The following CAB39 variants were observed in gnomAD, a reference collection of about 807,000 sequenced individuals.
The protein encoded by CAB39 is calcium binding protein 39.
In CAB39, 8 loss-of-function variants were observed where a neutral mutation model predicts 40.0. The ratio of observed to expected loss-of-function variants is 0.20; its 90% CI spans 0.12 to 0.36. CAB39 has a LOEUF of 0.36. Among genes scored for constraint, CAB39 ranks in the 10% least tolerant of loss-of-function variants. The pLI is 1.00. For synonymous variants in CAB39, 156 were observed against 141.6 expected (o/e 1.10, Z -0.72); for missense variants, 270 against 401.1 (o/e 0.67, Z 2.79).
chr2:230,743,531 T>C (rs1019812594), intron 1 of CAB39, among the ~76,000 whole-genome samples: 2 of 152,206 alleles, frequency 1.3e-5, no homozygotes, highest in African/African-American at 2.4e-5. Flanking sequence ...GATAAAAATA[T>C]TGAAAGTTTT....
intron 2 of CAB39, among the ~76,000 whole-genome samples, chr2:230,782,814 T>C (rs1279206671): frequency 3.9e-5 from 3 of 77,902 alleles, no homozygotes; most frequent in African/African-American, 1.7e-4. Context: ...TCTTTCTTTC[T>C]TTTTTTTTTT....
At chr2:230,777,097 A>G (rs527663387) in intron 2 of CAB39, among the ~76,000 whole-genome samples, 1 of 152,222 alleles carries the variant, frequency 6.6e-6, no homozygotes, top group African/African-American at 2.4e-5. Flanking sequence ...TGTTTCCTTC[A>G]TAGATTCTAA....
rs1408052300 is a variant in CAB39, at chr2:230,782,809, C to CTT, written c.115-8061_115-8060dup. 4.9e-3 allele frequency among the ~76,000 whole-genome samples: 549 copies of CTT among 112,270 alleles called. 39 individuals carry two copies. Among genetic ancestry groups the CTT allele is most frequent in the African/African-American group, 0.023 (484 of 20,896 alleles). The allele number at this position is 112,270 out of a possible 152,430, so 73.7% of individuals were successfully genotyped here. On this transcript the variant is annotated intron_variant, in intron 2 of 8. Transcript: ENST00000258418. ...CTGCTGTTTCTTTCTTTCTTTCTTT[C>CTT]TTTCTTTTTTTTTTTTTTTTTTTGA...
At chr2:230,814,613 C>T (rs990215268) in intron 7 of CAB39, among the ~76,000 whole-genome samples, 1 of 152,168 alleles carries the variant, frequency 6.6e-6, no homozygotes, top group Admixed American at 6.5e-5. Flanking sequence ...AACTACAACC[C>T]ATGGGCTAAA....
At chr2:230,743,899 A>C (rs999771380) in intron 1 of CAB39, among the ~76,000 whole-genome samples, 8 of 150,166 alleles carry the variant, frequency 5.3e-5, no homozygotes, top group African/African-American at 2.0e-4. Context: ...AAAGTCACAG[A>C]GCTCTGATAC....
intron 7 of CAB39, among the ~76,000 whole-genome samples, chr2:230,815,348 G>T (rs879257581): frequency 2.0e-5 from 3 of 152,164 alleles, no homozygotes; most frequent in Non-Finnish European, 4.4e-5. Context: ...TCTTTGGGGG[G>T]TTGGACAGAA....
chr2:230,770,386 A>G (rs1158675077), intron 2 of CAB39, among the ~76,000 whole-genome samples: 2 of 152,216 alleles, frequency 1.3e-5, no homozygotes, highest in Admixed American at 1.3e-4. Flanking sequence ...ACAAACTCCA[A>G]AGACACAAAT....
intron 1 of CAB39, among the ~76,000 whole-genome samples, chr2:230,719,695 T>C (rs904900111): frequency 1.3e-5 from 2 of 152,222 alleles, no homozygotes; most frequent in Non-Finnish European, 2.9e-5. Context: ...CTAATTATGT[T>C]GTCACTCTGT....
At chr2:230,788,395 T>G (rs770603343) in intron 2 of CAB39, among the ~76,000 whole-genome samples, 4 of 152,154 alleles carry the variant, frequency 2.6e-5, no homozygotes, top group Non-Finnish European at 5.9e-5. Flanking sequence ...CTTTGAGCTA[T>G]TGTTGCCGTA....
chr2:230,748,483 T>C (rs1017286640), intron 1 of CAB39, among the ~76,000 whole-genome samples: 1 of 152,138 alleles, frequency 6.6e-6, no homozygotes, highest in Non-Finnish European at 1.5e-5. Context: ...CCATTGGTGA[T>C]TGTTGCCTAG....
At chr2:230,816,895 C>A (rs1696411369) in intron 7 of CAB39, among the ~76,000 whole-genome samples, 1 of 152,176 alleles carries the variant, frequency 6.6e-6, no homozygotes. Flanking sequence ...GCACCAGGGA[C>A]CAAGCTCTCC....
At chr2:230,734,634 G>A (rs1379083341) in intron 1 of CAB39, among the ~76,000 whole-genome samples, 1 of 152,126 alleles carries the variant, frequency 6.6e-6, no homozygotes, top group Non-Finnish European at 1.5e-5. Flanking sequence ...AACATCCATA[G>A]ACTTCTTGGT....
intron 5 of CAB39, among the ~76,000 whole-genome samples, chr2:230,802,038 AAAAGAAG>A (rs1178472724): frequency 6.6e-6 from 1 of 152,178 alleles, no homozygotes; most frequent in Admixed American, 6.5e-5. Flanking sequence ...GTTCTAGAAT[AAAAGAAG>A]GTAGCCTCAC....
chr2:230,737,839 A>G (rs1252599696), intron 1 of CAB39, among the ~76,000 whole-genome samples: 2 of 152,212 alleles, frequency 1.3e-5, no homozygotes, highest in African/African-American at 2.4e-5. Flanking sequence ...CAAGTTTTCC[A>G]GTTTGACTAT....
intron 3 of CAB39, among the ~76,000 whole-genome samples, 169 bp from the exon 4 acceptor site, chr2:230,793,044 C>A (rs892912423): frequency 6.6e-6 from 1 of 152,140 alleles, no homozygotes; most frequent in Non-Finnish European, 1.5e-5. Context: ...AGTAAACTTA[C>A]AATTTGGAAT....
Position 230,756,626 on chromosome 2 carries a change from A to T in CAB39, c.-43-3333A>T, listed in dbSNP as rs73093006. On this transcript the variant is annotated intron_variant, in intron 1 of 8. Transcript: ENST00000258418. The stretch of plus-strand genomic sequence containing the variant: ...GATTTTTGAGAATTATTACACTCAT[A>T]CTTTAAAAATAAAGAGGATAGTTTC... 5.7e-3 allele frequency among the ~76,000 whole-genome samples: 862 copies of T among 152,250 alleles called. 7 individuals are homozygous for T. Among genetic ancestry groups the T allele is most frequent in the African/African-American group, 0.02 (811 of 41,564 alleles).
intron 2 of CAB39, among the ~76,000 whole-genome samples, chr2:230,782,368 G>T (rs1695702079): frequency 1.3e-5 from 2 of 152,004 alleles, no homozygotes; most frequent in African/African-American, 2.4e-5. Context: ...AATGTGGGAG[G>T]GGGGATGTCT....
intron 1 of CAB39, among the ~76,000 whole-genome samples, chr2:230,715,965 G>C (rs1310969866): frequency 2.0e-5 from 3 of 152,216 alleles, no homozygotes; most frequent in Admixed American, 2.0e-4. Flanking sequence ...CCAAAGTGCA[G>C]GGATTACAGG....
intron 1 of CAB39, among the ~76,000 whole-genome samples, chr2:230,756,669 A>G (rs1965434): frequency 0.36 from 38,876 of 107,520 alleles, 5,983 homozygotes; most frequent in East Asian, 0.44. Flanking sequence ...TTGTTTATTT[A>G]TTTATTTATT....
Sources: gnomAD v4.1 joint callset for allele counts (sites outside exome capture counted in the v4.1 genomes callset) on GRCh38, gnomAD v4.1.1 for gene constraint, MANE v1.5 for transcripts, NCBI Gene and HGNC (gene_info 2026-07-23, HGNC 2026-07-21) for gene names.